The following PRKN variants were observed in gnomAD, a reference collection of about 807,000 sequenced individuals.
PRKN encodes the protein E3 ubiquitin-protein ligase parkin.
A neutral mutation model predicts 59.5 loss-of-function variants in PRKN; 56 were observed. The ratio of observed to expected loss-of-function variants is 0.94; its 90% CI spans 0.76 to 1.18. The LOEUF (loss-of-function observed/expected upper bound fraction) is 1.18. PRKN is among the 50% of genes most tolerant of loss of function. The pLI, the probability that PRKN is intolerant of heterozygous loss-of-function variation, is 0.00. For synonymous variants in PRKN, 250 were observed against 222.1 expected, an observed-to-expected ratio of 1.13 and a Z score of -1.12; for missense variants, 657 against 596.4, an observed-to-expected ratio of 1.10 and a Z score of -1.06.
intron 4 of PRKN, among the ~76,000 whole-genome samples, chr6:162,186,984 C>G (rs1784059994): frequency 6.6e-6 from 1 of 152,164 alleles, no homozygotes; most frequent in African/African-American, 2.4e-5. Flanking sequence ...GAGTTCAGGT[C>G]TGACCCGAGT....
intron 7 of PRKN, among the ~76,000 whole-genome samples, chr6:161,618,193 A>ACTT (rs1236157191): frequency 6.6e-6 from 1 of 152,208 alleles, no homozygotes; most frequent in Non-Finnish European, 1.5e-5. Context: ...TTGGTGTGGA[A>ACTT]CTTTATTTTA....
At chr6:162,709,028 G>A (rs972838541) in intron 1 of PRKN, among the ~76,000 whole-genome samples, 2 of 152,142 alleles carry the variant, frequency 1.3e-5, no homozygotes, top group African/African-American at 2.4e-5. Context: ...AACTCTGCAT[G>A]TGAGGGATCT....
intron 9 of PRKN, among the ~76,000 whole-genome samples, chr6:161,509,796 C>T (rs1778315000): frequency 6.9e-6 from 1 of 144,854 alleles, no homozygotes; most frequent in Admixed American, 7.3e-5. Flanking sequence ...AGGAGAATTG[C>T]TTGAACCCAG....
intron 6 of PRKN, among the ~76,000 whole-genome samples, chr6:161,799,622 T>G (rs1790998100): frequency 1.3e-5 from 2 of 152,230 alleles, no homozygotes; most frequent in African/African-American, 4.8e-5. Context: ...ACTGCATGCC[T>G]ACTATGGGCC....
intron 6 of PRKN, among the ~76,000 whole-genome samples, chr6:161,813,763 T>C (rs1161748925): frequency 1.3e-5 from 2 of 152,178 alleles, no homozygotes; most frequent in African/African-American, 4.8e-5. Flanking sequence ...CAGATCCTCT[T>C]GGCCATCCTC....
chr6:161,804,801 A>G (rs1402267165), intron 6 of PRKN, among the ~76,000 whole-genome samples: 1 of 152,166 alleles, frequency 6.6e-6, no homozygotes, highest in African/African-American at 2.4e-5. Flanking sequence ...TCTAGATTCT[A>G]TTTTCCCAAT....
At chr6:161,903,967 A>G (rs1778033806) in intron 6 of PRKN, among the ~76,000 whole-genome samples, 3 of 151,876 alleles carry the variant, frequency 2.0e-5, no homozygotes, top group African/African-American at 4.8e-5. Context: ...GGCAGGAGAA[A>G]CAGGAGGGAA....
At chr6:162,060,381 G>C (rs1778049900) in intron 4 of PRKN, among the ~76,000 whole-genome samples, 1 of 152,178 alleles carries the variant, frequency 6.6e-6, no homozygotes, top group Non-Finnish European at 1.5e-5. Context: ...TTGAGGACTG[G>C]TCCTGACTAA....
intron 1 of PRKN, among the ~76,000 whole-genome samples, chr6:162,713,777 T>A (rs933268244): frequency 6.6e-6 from 1 of 152,084 alleles, no homozygotes; most frequent in East Asian, 1.9e-4. Flanking sequence ...AAAGACAGGA[T>A]GAAATAACCA....
intron 6 of PRKN, among the ~76,000 whole-genome samples, chr6:161,855,450 A>C (rs2128223348): frequency 6.6e-6 from 1 of 152,360 alleles, no homozygotes; most frequent in South Asian, 2.1e-4. Flanking sequence ...ATATCTAAAA[A>C]TCATTGATTC....
At chr6:162,403,350 C>CGGGCTGCGTCTTTACTCAAAAT (rs1482711143) in intron 2 of PRKN, among the ~76,000 whole-genome samples, 4 of 152,228 alleles carry the variant, frequency 2.6e-5, no homozygotes, top group African/African-American at 9.6e-5. Flanking sequence ...CTCCCTCACC[C>CGGGCTGCGTCTTTACTCAAAAT]GGGCTGCGTC....
At chr6:162,368,498 C>A (rs1031094335) in intron 2 of PRKN, among the ~76,000 whole-genome samples, 1 of 149,188 alleles carries the variant, frequency 6.7e-6, no homozygotes, top group Non-Finnish European at 1.5e-5. Flanking sequence ...ATCCTTCTTA[C>A]ATCCTTACAT....
At position 162,244,990 on chromosome 6, in the gene PRKN, T is replaced by C. The variant is rs569828378; in HGVS notation, c.412+17535A>G. Reference sequence around the variant, plus strand: ...CTGTTAGAAGAAAGGGAAATACTTATTATTCTCTTGAGCGTAAAATATTGT... The same window carrying C: ...CTGTTAGAAGAAAGGGAAATACTTACTATTCTCTTGAGCGTAAAATATTGT... On this transcript the variant is annotated intron_variant, in intron 3 of 11. Transcript: ENST00000366898. Among the ~76,000 whole-genome samples, 20 of 152,222 alleles carry C rather than the reference T, an allele frequency of 1.3e-4. No homozygotes were observed. In the East Asian group the frequency reaches 3.9e-3, roughly 29 times the overall value.
chr6:161,631,756 C>G (rs183333761), intron 7 of PRKN, among the ~76,000 whole-genome samples: 2 of 117,910 alleles, frequency 1.7e-5, no homozygotes, highest in African/African-American at 7.6e-5. Context: ...GCTAGGGGTA[C>G]GCACACACCC....
At chr6:161,392,570 A>G (rs2114959141) in intron 9 of PRKN, among the ~76,000 whole-genome samples, 1 of 151,750 alleles carries the variant, frequency 6.6e-6, no homozygotes, top group African/African-American at 2.4e-5. Flanking sequence ...AGGTAGCCAT[A>G]TGGCAAATTC....
intron 1 of PRKN, among the ~76,000 whole-genome samples, chr6:162,602,528 G>T (rs963442319): frequency 6.6e-6 from 1 of 152,184 alleles, no homozygotes; most frequent in South Asian, 2.1e-4. Context: ...GTGTGATTTG[G>T]AATCATCATT....
intron 2 of PRKN, among the ~76,000 whole-genome samples, chr6:162,313,962 T>A (rs1476982395): frequency 1.3e-5 from 2 of 152,178 alleles, no homozygotes; most frequent in Non-Finnish European, 2.9e-5. Flanking sequence ...TTGAAACTTT[T>A]AAAAATCATT....
intron 5 of PRKN, among the ~76,000 whole-genome samples, chr6:162,028,527 G>A (rs895273996): frequency 1.3e-5 from 2 of 152,190 alleles, no homozygotes; most frequent in South Asian, 2.1e-4. Flanking sequence ...TTCCGGGCAC[G>A]GAAATCTTTC....
At chr6:161,625,494 A>G (rs931136676) in intron 7 of PRKN, among the ~76,000 whole-genome samples, 8 of 152,172 alleles carry the variant, frequency 5.3e-5, no homozygotes, top group Admixed American at 1.3e-4. Context: ...GCAAACCAAC[A>G]TGGCACATGT....
Sources: gnomAD v4.1 joint callset for allele counts (sites outside exome capture counted in the v4.1 genomes callset) on GRCh38, gnomAD v4.1.1 for gene constraint, MANE v1.5 for transcripts, NCBI Gene and HGNC (gene_info 2026-07-23, HGNC 2026-07-21) for gene names.